RANBP2: variants seen among roughly 807,000 people sequenced by gnomAD.
RANBP2 encodes RAN binding protein 2, also known as E3 SUMO-protein ligase RanBP2.
RANBP2 carries 57 observed loss-of-function variants against 303.6 expected under a neutral mutation model. The ratio of observed to expected loss-of-function variants is 0.19; its 90% CI spans 0.15 to 0.23. RANBP2 has a LOEUF of 0.23. Ranked by LOEUF, RANBP2 falls within the 10% of genes least tolerant of loss-of-function variation. The probability of loss-of-function intolerance (pLI) is 1.00; values close to 1 mark genes in which losing one functional copy is unlikely to be tolerated. For synonymous variants in RANBP2, 1,167 were observed against 1,301.5 expected (o/e 0.90, Z 2.23); for missense variants, 3,138 against 3,780.8 (o/e 0.83, Z 4.46).
At chr2:109,152,906 G>A in the RANBP2 span, among the ~76,000 whole-genome samples, 191 of 152,276 alleles carry the variant, frequency 1.3e-3, 2 homozygotes, top group Middle Eastern at 6.8e-3. Context: ...ATGGAGGCAC[G>A]CAATTGAAAG....
At chr2:109,221,122 T>A in the RANBP2 span, among the ~76,000 whole-genome samples, 1 of 152,208 alleles carries the variant, frequency 6.6e-6, no homozygotes, top group African/African-American at 2.4e-5. Flanking sequence ...TTTGAAGTCA[T>A]TATGCTGAGT....
At chr2:109,565,790 G>C in the RANBP2 span, 1 of 1,613,900 alleles carries the variant, frequency 6.2e-7, no homozygotes, top group East Asian at 2.2e-5. Context: ...GGGTACTGGC[G>C]AGCTTTGACC....
At chr2:108,721,782 C>T in intron 1 of RANBP2, among the ~76,000 whole-genome samples, 1 of 152,074 alleles carries the variant, frequency 6.6e-6, no homozygotes, top group East Asian at 1.9e-4. Flanking sequence ...CTTTCTGTCT[C>T]CCAGGCTGGA....
At chr2:109,104,172 T>C in the RANBP2 span, among the ~76,000 whole-genome samples, 2 of 152,170 alleles carry the variant, frequency 1.3e-5, no homozygotes, top group Non-Finnish European at 2.9e-5. Flanking sequence ...AGAAATATAT[T>C]TGGGGGTAAA....
At chr2:109,590,745 A>G in the RANBP2 span, among the ~76,000 whole-genome samples, 1 of 152,108 alleles carries the variant, frequency 6.6e-6, no homozygotes, top group East Asian at 1.9e-4. Flanking sequence ...TAAATCCTTA[A>G]CAGGGCCTGG....
At chr2:109,579,805 A>G in the RANBP2 span, among the ~76,000 whole-genome samples, 5 of 152,012 alleles carry the variant, frequency 3.3e-5, no homozygotes, top group Non-Finnish European at 7.4e-5. Context: ...GAAGGCTAAC[A>G]CAATCTTGAT....
At chr2:109,400,585 ACAC>A in the RANBP2 span, among the ~76,000 whole-genome samples, 1 of 151,802 alleles carries the variant, frequency 6.6e-6, no homozygotes, top group Admixed American at 6.6e-5. Context: ...GCACACACAC[ACAC>A]ACTTGTGAAC....
chr2:108,950,351 A>C, the RANBP2 span, among the ~76,000 whole-genome samples: 1,579 of 151,650 alleles, frequency 0.01, 24 homozygotes, highest in African/African-American at 0.036. Flanking sequence ...TTTGGGCTCG[A>C]ATGATCCTCC....
At chr2:109,419,927 T>C in the RANBP2 span, among the ~76,000 whole-genome samples, 1 of 152,160 alleles carries the variant, frequency 6.6e-6, no homozygotes, top group East Asian at 1.9e-4. Context: ...AGCCATAGTG[T>C]GGAGCAAGCT....
chr2:108,829,875 C>T, the RANBP2 span, among the ~76,000 whole-genome samples: 1 of 152,150 alleles, frequency 6.6e-6, no homozygotes, highest in East Asian at 1.9e-4. Context: ...GGTGATTCTT[C>T]AAAAACTTAA....
the RANBP2 span, among the ~76,000 whole-genome samples, chr2:109,254,012 CAG>C: frequency 6.6e-6 from 1 of 151,892 alleles, no homozygotes; most frequent in Non-Finnish European, 1.5e-5. Flanking sequence ...TCATACAACT[CAG>C]GGGCCAGGCA....
At chr2:108,855,561 TTAA>T in the RANBP2 span, among the ~76,000 whole-genome samples, 3 of 152,202 alleles carry the variant, frequency 2.0e-5, no homozygotes, top group African/African-American at 7.2e-5. Context: ...TTTGTTTAAC[TTAA>T]TACACATTTA....
the RANBP2 span, among the ~76,000 whole-genome samples, chr2:109,778,506 A>C: frequency 6.7e-6 from 1 of 150,154 alleles, no homozygotes; most frequent in Middle Eastern, 3.4e-3. Flanking sequence ...CAACTCCAGA[A>C]GACCAGCTAG....
the RANBP2 span, among the ~76,000 whole-genome samples, chr2:109,760,649 C>T: frequency 7.0e-6 from 1 of 142,754 alleles, no homozygotes; most frequent in Non-Finnish European, 1.5e-5. Flanking sequence ...CCTTTCGTCG[C>T]AGCGCGCGGG....
the RANBP2 span, among the ~76,000 whole-genome samples, chr2:108,861,894 C>G: frequency 2.0e-5 from 3 of 152,078 alleles, no homozygotes; most frequent in Non-Finnish European, 2.9e-5. Context: ...TATGTTATAT[C>G]TTGATTTTCA....
the RANBP2 span, among the ~76,000 whole-genome samples, chr2:109,693,553 A>G: frequency 6.6e-6 from 1 of 152,154 alleles, no homozygotes. Context: ...TGATGATTTT[A>G]TAAGGGGTTT....
the RANBP2 span, among the ~76,000 whole-genome samples, chr2:108,874,907 T>A: frequency 7.5e-6 from 1 of 132,668 alleles, no homozygotes; most frequent in South Asian, 2.6e-4. Flanking sequence ...TCTTTTTTAC[T>A]TCTTAATTCA....
At chr2:108,826,249 G>A in the RANBP2 span, among the ~76,000 whole-genome samples, 1 of 152,064 alleles carries the variant, frequency 6.6e-6, no homozygotes, top group Non-Finnish European at 1.5e-5. Context: ...AAGCATAAAG[G>A]TTTTAAATTT....
the RANBP2 span, among the ~76,000 whole-genome samples, chr2:109,487,531 A>G: frequency 0.68 from 104,079 of 152,158 alleles, 36,241 homozygotes; most frequent in Middle Eastern, 0.84. Context: ...AAGTTAATTA[A>G]GTGTTTAGTT....
Sources: allele counts gnomAD v4.1 joint callset (sites outside exome capture counted in the v4.1 genomes callset), GRCh38; gene constraint gnomAD v4.1.1; transcripts MANE v1.5; gene names NCBI Gene and HGNC (gene_info 2026-07-23, HGNC 2026-07-21).